The following MX1 variants were observed in gnomAD, a reference collection of about 807,000 sequenced individuals.
MX1 encodes the protein MX dynamin like GTPase 1, also known as interferon-induced GTP-binding protein Mx1.
Under a neutral mutation model 66.4 loss-of-function variants are expected in MX1, and 66 were observed. The observed-to-expected ratio is 0.99, with a 90% CI of 0.82 to 1.22. The LOEUF is 1.22. Ranked by LOEUF, MX1 falls within the 50% of genes most tolerant of loss-of-function variation. MX1 has a pLI of 0.00. For missense variants in MX1, 787 were observed against 834.3 expected (o/e 0.94, Z 0.70); for synonymous variants, 311 against 318.1 (o/e 0.98, Z 0.24).
intron 16 of MX1, among the ~76,000 whole-genome samples, chr21:41,453,461 C>T (rs769179523): frequency 1.3e-5 from 2 of 152,202 alleles, no homozygotes; most frequent in Non-Finnish European, 2.9e-5. Flanking sequence ...GGCCAAGTTA[C>T]TTAACCTCTC....
chr21:41,440,927 C>A lies in MX1; in HGVS notation c.632C>A (p.Thr211Lys). Residue 211 changes from threonine (T) to lysine (K), a missense_variant, in exon 9 of 17, where the codon ACA (threonine) becomes AAA (lysine). Physicochemically the swap from Thr to Lys is moderately conservative, Grantham distance 78 (BLOSUM62 -1). Coordinates refer to ENST00000398598, the MANE Select transcript of MX1 (RefSeq NM_002462.5). ...AAGAAGTACATCCAGAGGCAGGAGA[C>A]AATCAGCCTGGTGGTGGTCCCCAGT... ...LIKKYIQRQE[T>K]ISLVVVPSNV... The A allele has an allele frequency of 6.2e-7, 1 of 1,614,200 alleles. No homozygotes were observed. The highest frequency in any genetic ancestry group is 8.5e-7 in the Non-Finnish European group (1 of 1,180,014).
intron 16 of MX1, 125 bp from the exon 17 acceptor site, chr21:41,458,403 G>T: frequency 8.5e-7 from 1 of 1,170,420 alleles, no homozygotes. Context: ...CCCAGGGGAA[G>T]GTCATTGCCC....
At chr21:41,436,876 CA>C in intron 6 of MX1, 138 bp from the exon 7 acceptor site, 1 of 996,672 alleles carries the variant, frequency 1.0e-6, no homozygotes, top group Non-Finnish European at 1.5e-6. Flanking sequence ...CCCCGCATAT[CA>C]GAGGGTAAGA....
rs557195483 is a variant in MX1, at chr21:41,442,275, A to G, written c.929+361A>G. Among the ~76,000 whole-genome samples the G allele has an allele frequency of 2.4e-4, 37 of 152,238 alleles. 1 individual carries two copies. The highest frequency in any genetic ancestry group is 2.6e-4 in the Admixed American group (4 of 15,288). On this transcript the variant is annotated intron_variant, in intron 10 of 16. Coordinates refer to ENST00000398598, the MANE Select transcript of MX1 (RefSeq NM_002462.5). ...AGCCCAGAAATAGACCTAGATATAT[A>G]TATTTGACACATGATAAATGCAGCA...
intron 5 of MX1, among the ~76,000 whole-genome samples, chr21:41,433,210 C>T (rs1294559919): frequency 6.6e-6 from 1 of 152,234 alleles, no homozygotes; most frequent in Non-Finnish European, 1.5e-5. Flanking sequence ...ATGCAAATGA[C>T]CAGCCCCTCC....
At chr21:41,426,231 CG>C (rs2090055725), upstream of MX1, 1 of 154,392 alleles carries the variant, frequency 6.5e-6, no homozygotes, top group Non-Finnish European at 1.4e-5. Flanking sequence ...GAAGCGAGAG[CG>C]GAGGCCGCAC....
At chr21:41,422,853 G>A (rs1452893338), upstream of MX1, 1 of 152,184 alleles carries the variant, frequency 6.6e-6, no homozygotes, top group Non-Finnish European at 1.5e-5. Context: ...TTAGGCCTCG[G>A]TCTTCTCATG....
At chr21:41,434,238 T>A (rs550534236) in intron 5 of MX1, among the ~76,000 whole-genome samples, 1 of 152,214 alleles carries the variant, frequency 6.6e-6, no homozygotes, top group South Asian at 2.1e-4. Flanking sequence ...TCAGCCCACT[T>A]TAGGAAAATT....
In MX1 at chr21:41,441,173, G is replaced by GAGAAT. The variant is rs1191220002; in HGVS notation, c.730+148_730+149insAGAAT. On this transcript the variant is annotated intron_variant, in intron 9 of 16. Coordinates refer to ENST00000398598, the MANE Select transcript of MX1 (RefSeq NM_002462.5). This position sits in a 1 kb window ranked among gnomAD's most constrained non-coding sequence, Gnocchi z 4.0. ...ATGGGGGAGCCCGCCTGTGCTCGGT[G>GAGAAT]GTCTGCCAGTGGGCAAGCGTCCCTC... 29 of 1,218,110 alleles carry GAGAAT rather than the reference G, an allele frequency of 2.4e-5. No individual in the cohort carries two copies. The highest frequency in any genetic ancestry group is 5.7e-5 in the Admixed American group (2 of 34,856). The allele number at this position is 1,218,110 out of a possible 1,614,324, so 75.5% of individuals were successfully genotyped here.
rs531048108 is a variant in MX1, at chr21:41,452,863, T to A, written c.1752T>A (p.Tyr584Ter). 3.1e-6 allele frequency: 5 copies of A among 1,614,056 alleles called. 1 individual carries two copies. In the South Asian group the frequency reaches 5.5e-5, roughly 18 times the overall value. Reference sequence around the variant, plus strand: ...AGATCTTTCAGCACCTGATGGCCTATCACCAGGTACGTCTTCGCGTGGTTC... The same window carrying A: ...AGATCTTTCAGCACCTGATGGCCTAACACCAGGTACGTCTTCGCGTGGTTC... Reference protein sequence around the residue: ...MEEIFQHLMAYHQEASKRISS... With the variant: ...MEEIFQHLMA The change falls in exon 16 of 17, where the codon TAT becomes TAA. Residue 584 changes from tyrosine to a stop codon, truncating the protein, a stop_gained. Coordinates refer to ENST00000398598, the MANE Select transcript of MX1 (RefSeq NM_002462.5). LOFTEE classifies it low-confidence loss of function (END_TRUNC).
chr21:41,454,261 C>T (rs1392311004), intron 16 of MX1, among the ~76,000 whole-genome samples: 1 of 152,136 alleles, frequency 6.6e-6, no homozygotes, highest in Non-Finnish European at 1.5e-5. Context: ...GGAAAGTAAG[C>T]CATTTTATAC....
upstream of MX1, among the ~76,000 whole-genome samples, chr21:41,424,685 C>T (rs953236416): frequency 1.3e-5 from 2 of 152,168 alleles, no homozygotes; most frequent in African/African-American, 4.8e-5. Context: ...GGAGGACCAC[C>T]CATGGGTCTG....
intron 3 of MX1, chr21:41,428,143 T>A (rs2090115819): frequency 6.6e-6 from 1 of 152,254 alleles, no homozygotes; most frequent in African/African-American, 2.4e-5. Context: ...TGGCCTCAAA[T>A]GATCCACCCG....
At chr21:41,436,121 A>C in intron 6 of MX1, 92 bp downstream of exon 6, 31 of 1,443,466 alleles carry the variant, frequency 2.1e-5, no homozygotes, top group Non-Finnish European at 2.7e-5. Context: ...TTATTTTCTC[A>C]CAGTTCTGGA....
intron 3 of MX1, chr21:41,428,764 A>G (rs2090134479): frequency 6.6e-6 from 1 of 152,240 alleles, no homozygotes; most frequent in African/African-American, 2.4e-5. Context: ...AAAGTGAGAA[A>G]CACGTATGTT....
chr21:41,458,620 G>A lies in MX1; in HGVS notation c.1851G>A (p.Leu617=). The A allele has an allele frequency of 6.2e-7, 1 of 1,614,252 alleles. No homozygotes were observed. Among genetic ancestry groups the A allele is most frequent in the Non-Finnish European group, 8.5e-7 (1 of 1,180,048 alleles). Residue 617 remains leucine, a synonymous_variant, in exon 17 of 17, where the codon CTG becomes CTA. Coordinates refer to ENST00000398598, the MANE Select transcript of MX1 (RefSeq NM_002462.5). ...GCCAGCAGCTTCAGAAGGCCATGCT[G>A]CAGCTCCTGCAGGACAAGGACACCT... ...TYGQQLQKAM[L]QLLQDKDTYS...
rs546811171 is a variant in MX1, at chr21:41,459,037, C to A, written c.*279C>A. 9 of 543,480 alleles carry A rather than the reference C, an allele frequency of 1.7e-5. No individual in the cohort carries two copies. Among genetic ancestry groups the A allele is most frequent in the African/African-American group, 7.5e-5 (4 of 52,982 alleles). 33.7% of individuals were successfully genotyped at this position (543,480 alleles called of 1,614,324 possible). A position where few individuals can be genotyped will look rare whatever the true frequency, so the allele number is the denominator to read the frequency against. ...CAGCCCTCAGAATCGCTCCACCTTG[C>A]AGCTCTCCCCTTCTCTGTATTCCTA... is the stretch of plus-strand genomic sequence containing the variant. On this transcript the variant is annotated 3_prime_UTR_variant, in exon 17 of 17. Coordinates refer to ENST00000398598, the MANE Select transcript of MX1 (RefSeq NM_002462.5).
chr21:41,427,543 A>G (rs962580765), intron 2 of MX1, among the ~76,000 whole-genome samples: 3 of 152,072 alleles, frequency 2.0e-5, no homozygotes, highest in Non-Finnish European at 4.4e-5. Context: ...AAAAAACTAG[A>G]CTGGATTATG....
At chr21:41,455,866 G>A (rs1032356885) in intron 16 of MX1, among the ~76,000 whole-genome samples, 1 of 152,220 alleles carries the variant, frequency 6.6e-6, no homozygotes, top group African/African-American at 2.4e-5. Context: ...TCATGTATCT[G>A]GAAGCATCAA....
Sources: allele counts gnomAD v4.1 joint callset (sites outside exome capture counted in the v4.1 genomes callset), GRCh38; gene constraint gnomAD v4.1.1; non-coding constraint Gnocchi (gnomAD v3.1); transcripts MANE v1.5; gene names NCBI Gene and HGNC (gene_info 2026-07-23, HGNC 2026-07-21).